TBC1D5: variants seen among roughly 807,000 people sequenced by gnomAD.
TBC1D5 encodes the protein TBC1 domain family member 5, also known as TBC1 domain family, member 5.
Under a neutral mutation model 100.3 loss-of-function variants are expected in TBC1D5, and 75 were observed. The ratio of observed to expected loss-of-function variants is 0.75; its 90% CI spans 0.62 to 0.91. The LOEUF (loss-of-function observed/expected upper bound fraction) is 0.91. Ranked by LOEUF, TBC1D5 falls within the 40% of genes least tolerant of loss-of-function variation. The probability of loss-of-function intolerance (pLI) is 0.00; values close to 1 mark genes in which losing one functional copy is unlikely to be tolerated. For synonymous variants in TBC1D5, 323 were observed against 325.6 expected, an observed-to-expected ratio of 0.99 and a Z score of 0.09; for missense variants, 910 against 942.4, an observed-to-expected ratio of 0.97 and a Z score of 0.45.
At chr3:17,634,431 G>A (rs1039594786) in intron 1 of TBC1D5, among the ~76,000 whole-genome samples, 5 of 152,088 alleles carry the variant, frequency 3.3e-5, no homozygotes, top group African/African-American at 1.2e-4. Flanking sequence ...GAACAACATG[G>A]GTGGAACTGG....
chr3:17,507,994 A>G (rs1254453219), intron 3 of TBC1D5, among the ~76,000 whole-genome samples: 3 of 152,076 alleles, frequency 2.0e-5, no homozygotes, highest in African/African-American at 7.2e-5. Flanking sequence ...CTTTTAAAAT[A>G]TAACACAAAT....
At chr3:17,570,922 A>T (rs2096623324) in intron 2 of TBC1D5, among the ~76,000 whole-genome samples, 1 of 151,962 alleles carries the variant, frequency 6.6e-6, no homozygotes, top group African/African-American at 2.4e-5. Flanking sequence ...CATTTCCTTA[A>T]TCAGTTAAAG....
chr3:17,284,352 G>C (rs893361144), intron 15 of TBC1D5, among the ~76,000 whole-genome samples: 1 of 152,044 alleles, frequency 6.6e-6, no homozygotes, highest in Non-Finnish European at 1.5e-5. Context: ...TCCTGACTTC[G>C]AGTGATCCGC....
intron 3 of TBC1D5, 129 bp from the exon 4 acceptor site, chr3:17,428,648 C>T (rs1384640978): frequency 2.6e-5 from 8 of 306,598 alleles, no homozygotes; most frequent in Admixed American, 5.1e-5. Flanking sequence ...CCCAAATTAT[C>T]TTTTGTACTC....
chr3:17,532,690 C>A (rs1473308474), intron 2 of TBC1D5, among the ~76,000 whole-genome samples: 1 of 152,096 alleles, frequency 6.6e-6, no homozygotes, highest in African/African-American at 2.4e-5. Flanking sequence ...TTTGTAGGGA[C>A]ATGGATGAAG....
chr3:17,555,256 G>C (rs1431120311), intron 2 of TBC1D5, among the ~76,000 whole-genome samples: 1 of 152,132 alleles, frequency 6.6e-6, no homozygotes, highest in Non-Finnish European at 1.5e-5. Flanking sequence ...TTTTGCCAAA[G>C]TTAAGGAATA....
chr3:17,332,192 G>A (rs2086968833), intron 13 of TBC1D5, among the ~76,000 whole-genome samples: 1 of 152,040 alleles, frequency 6.6e-6, no homozygotes, highest in African/African-American at 2.4e-5. Context: ...GGTAACAAGT[G>A]GGGGTATTCT....
chr3:17,158,837 A>T (rs1270329360), exon 22 of TBC1D5: 3 of 152,228 alleles, frequency 2.0e-5, no homozygotes, highest in Admixed American at 6.5e-5. Flanking sequence ...AGCAGGTGAC[A>T]CTGGCCCTGC....
intron 18 of TBC1D5, among the ~76,000 whole-genome samples, chr3:17,186,729 A>T (rs1043515495): frequency 3.5e-5 from 5 of 144,636 alleles, no homozygotes; most frequent in African/African-American, 1.1e-4. Context: ...AAAAAAAAAA[A>T]AAAAAAAAAA....
intron 3 of TBC1D5, among the ~76,000 whole-genome samples, chr3:17,437,940 A>T (rs1422359667): frequency 6.6e-6 from 1 of 152,190 alleles, no homozygotes; most frequent in Non-Finnish European, 1.5e-5. Context: ...ACTAATGACT[A>T]ACAATAAAGC....
chr3:17,415,518 G>A (rs1353006825), intron 4 of TBC1D5, among the ~76,000 whole-genome samples: 1 of 152,010 alleles, frequency 6.6e-6, no homozygotes, highest in Non-Finnish European at 1.5e-5. Context: ...CAGTGTGTAA[G>A]AGCTTCCAAA....
chr3:17,491,108 C>T (rs557400635), intron 3 of TBC1D5, among the ~76,000 whole-genome samples: 1 of 152,176 alleles, frequency 6.6e-6, no homozygotes, highest in South Asian at 2.1e-4. Context: ...TGGCTCTCTG[C>T]TTGTCAGCTA....
At chr3:17,399,238 A>T (rs1347728739) in intron 8 of TBC1D5, among the ~76,000 whole-genome samples, 2 of 152,128 alleles carry the variant, frequency 1.3e-5, no homozygotes, top group Non-Finnish European at 2.9e-5. Flanking sequence ...GATTAGGCAA[A>T]TAGAGTGATT....
chr3:17,301,348 A>G (rs969564238), intron 14 of TBC1D5, among the ~76,000 whole-genome samples: 1 of 152,230 alleles, frequency 6.6e-6, no homozygotes, highest in African/African-American at 2.4e-5. Context: ...TCTTTGAAGA[A>G]GCTATGCTGA....
intron 2 of TBC1D5, among the ~76,000 whole-genome samples, chr3:17,568,708 T>A (rs1334830162): frequency 1.3e-5 from 2 of 151,608 alleles, no homozygotes; most frequent in Non-Finnish European, 3.0e-5. Flanking sequence ...TTGTTCTAGG[T>A]TTTTGCTCAA....
rs374496313 is a variant in TBC1D5, at chr3:17,673,311, C to CTTTTTTTT, written c.-100-49406_-100-49399dup. Among the ~76,000 whole-genome samples, 23 of 125,964 alleles carry CTTTTTTTT rather than the reference C, an allele frequency of 1.8e-4. 1 individual carries two copies. Among genetic ancestry groups the CTTTTTTTT allele is most frequent in the Middle Eastern group, 4.0e-3 (1 of 248 alleles). The allele number at this position is 125,964 out of a possible 152,430, so 82.6% of individuals were successfully genotyped here. A position where few individuals can be genotyped will look rare whatever the true frequency, so the allele number is the denominator to read the frequency against. On this transcript the variant is annotated intron_variant, in intron 1 of 21. Coordinates refer to ENST00000253692, the Ensembl canonical transcript of TBC1D5. ...TATTTTCTGTACTTTCTTTTCTTTTCTTTTTTTTTTTTTTTTTGAGACAGG... is the reference window on the plus strand; with the variant it reads ...TATTTTCTGTACTTTCTTTTCTTTTCTTTTTTTTTTTTTTTTTTTTTTTTTGAGACAGG...
chr3:17,204,053 T>C (rs1025368220), intron 18 of TBC1D5, among the ~76,000 whole-genome samples: 4 of 152,230 alleles, frequency 2.6e-5, no homozygotes, highest in South Asian at 2.1e-4. Context: ...ACTAAAGCCA[T>C]TCTTTCTGCA....
At chr3:17,488,946 T>C (rs577762974) in intron 3 of TBC1D5, among the ~76,000 whole-genome samples, 1 of 150,026 alleles carries the variant, frequency 6.7e-6, no homozygotes, top group South Asian at 2.2e-4. Context: ...ATGCATGCTC[T>C]GTATGAAAAT....
At chr3:17,310,891 C>T (rs1382824457) in intron 13 of TBC1D5, among the ~76,000 whole-genome samples, 1 of 151,922 alleles carries the variant, frequency 6.6e-6, no homozygotes, top group African/African-American at 2.4e-5. Context: ...TAATGGAATG[C>T]TTTGGGACCA....
Sources: gnomAD v4.1 joint callset for allele counts (sites outside exome capture counted in the v4.1 genomes callset) on GRCh38, gnomAD v4.1.1 for gene constraint, MANE v1.5 for transcripts, NCBI Gene and HGNC (gene_info 2026-07-23, HGNC 2026-07-21) for gene names.